The following DLGAP1 variants were observed in gnomAD, a reference collection of about 807,000 sequenced individuals.
DLGAP1 encodes disks large-associated protein 1.
DLGAP1 carries 11 observed loss-of-function variants against 90.8 expected under a neutral mutation model. The observed-to-expected ratio is 0.12, with a 90% CI of 0.08 to 0.20. The LOEUF (loss-of-function observed/expected upper bound fraction) is 0.20. Among genes scored for constraint, DLGAP1 ranks in the 10% least tolerant of loss-of-function variants. DLGAP1 has a pLI of 1.00. For missense variants in DLGAP1, 1,050 were observed against 1,333.8 expected (o/e 0.79, Z 3.31); for synonymous variants, 558 against 540.7 (o/e 1.03, Z -0.44).
chr18:4,081,471 C>A (rs1464834422), intron 2 of DLGAP1, among the ~76,000 whole-genome samples: 1 of 151,956 alleles, frequency 6.6e-6, no homozygotes, highest in South Asian at 2.1e-4. Context: ...AAACTGATAC[C>A]CCAAAATATG....
chr18:4,172,869 C>T (rs2077046231), intron 1 of DLGAP1, among the ~76,000 whole-genome samples: 1 of 152,234 alleles, frequency 6.6e-6, no homozygotes, highest in South Asian at 2.1e-4. Flanking sequence ...GCTGTAAATG[C>T]TCTAGTGCAG....
intron 1 of DLGAP1, among the ~76,000 whole-genome samples, chr18:4,381,086 C>T (rs1014782674): frequency 2.0e-5 from 3 of 152,176 alleles, no homozygotes; most frequent in African/African-American, 7.2e-5. Context: ...AGGTGGTTAA[C>T]ACTATATATT....
chr18:3,845,045 C>T (rs1257006917), intron 4 of DLGAP1, among the ~76,000 whole-genome samples: 4 of 152,076 alleles, frequency 2.6e-5, no homozygotes, highest in African/African-American at 9.7e-5. Flanking sequence ...CCATAAGCAA[C>T]CAAATCAGAG....
At chr18:4,414,535 C>T (rs757075152) in intron 1 of DLGAP1, among the ~76,000 whole-genome samples, 1 of 151,938 alleles carries the variant, frequency 6.6e-6, no homozygotes, top group Non-Finnish European at 1.5e-5. Context: ...ACCAGCCTGG[C>T]CAACATAGTG....
chr18:3,708,565 A>T, intron 7 of DLGAP1: 2 of 456,332 alleles, frequency 4.4e-6, no homozygotes, highest in South Asian at 3.1e-5. Context: ...CTCCAAGAGC[A>T]CCTTCAGGAA....
At chr18:4,432,744 T>C (rs952990378) in intron 1 of DLGAP1, among the ~76,000 whole-genome samples, 15 of 152,070 alleles carry the variant, frequency 9.9e-5, no homozygotes, top group African/African-American at 3.6e-4. Context: ...TTTGCACTCT[T>C]AATCAACACC....
At chr18:4,150,606 G>T (rs1053455429) in intron 2 of DLGAP1, among the ~76,000 whole-genome samples, 2 of 152,250 alleles carry the variant, frequency 1.3e-5, no homozygotes, top group African/African-American at 4.8e-5. Flanking sequence ...GCTAATTTTT[G>T]TATTTTTAGT....
At chr18:3,607,618 G>A (rs1230606526) in intron 7 of DLGAP1, 1 of 152,150 alleles carries the variant, frequency 6.6e-6, no homozygotes, top group African/African-American at 2.4e-5. Flanking sequence ...TTACAACTGG[G>A]CTGCAGCATA....
chr18:3,647,761 G>A (rs749690460), intron 7 of DLGAP1, among the ~76,000 whole-genome samples: 3 of 152,022 alleles, frequency 2.0e-5, no homozygotes, highest in East Asian at 1.9e-4. Flanking sequence ...CACCACGCCC[G>A]GTCTATTTAA....
At chr18:3,907,882 A>T (rs1483721961) in intron 3 of DLGAP1, among the ~76,000 whole-genome samples, 1 of 152,220 alleles carries the variant, frequency 6.6e-6, no homozygotes, top group East Asian at 1.9e-4. Context: ...GCAGGATGGA[A>T]GAATATTCAG....
chr18:4,350,916 G>T (rs1186382542), intron 1 of DLGAP1, among the ~76,000 whole-genome samples: 1 of 152,010 alleles, frequency 6.6e-6, no homozygotes, highest in Non-Finnish European at 1.5e-5. Context: ...GGAGACTTTG[G>T]AATTAATATA....
chr18:3,802,173 T>C (rs1284778500), intron 5 of DLGAP1, among the ~76,000 whole-genome samples: 2 of 152,026 alleles, frequency 1.3e-5, no homozygotes, highest in African/African-American at 2.4e-5. Flanking sequence ...TTAGTAGAGA[T>C]GGGGTTTCAC....
At chr18:3,688,666 C>CACACAA (rs1432309306) in intron 7 of DLGAP1, among the ~76,000 whole-genome samples, 2 of 36,470 alleles carry the variant, frequency 5.5e-5, no homozygotes, top group African/African-American at 2.8e-4. Context: ...CACACACACA[C>CACACAA]ACCCTACCAA....
chr18:4,101,397 A>G (rs9954024), intron 2 of DLGAP1, among the ~76,000 whole-genome samples: 62,201 of 151,960 alleles, frequency 0.41, 13,269 homozygotes, highest in African/African-American at 0.54. Context: ...ACATCTCAAA[A>G]CAATTATAAT....
At chr18:4,026,502 T>C (rs981409541) in intron 2 of DLGAP1, among the ~76,000 whole-genome samples, 6 of 151,984 alleles carry the variant, frequency 3.9e-5, no homozygotes, top group African/African-American at 1.2e-4. Flanking sequence ...TACTTAGGGG[T>C]TGGATGTTAC....
chr18:3,999,221 C>T (rs925382137), intron 3 of DLGAP1, among the ~76,000 whole-genome samples: 6 of 151,374 alleles, frequency 4.0e-5, no homozygotes, highest in African/African-American at 1.5e-4. Flanking sequence ...TTTTTTATCC[C>T]GTCTCCTTTA....
At chr18:4,428,674 A>G (rs949033003) in intron 1 of DLGAP1, among the ~76,000 whole-genome samples, 2 of 152,118 alleles carry the variant, frequency 1.3e-5, no homozygotes, top group Non-Finnish European at 2.9e-5. Context: ...ACCATGAGTA[A>G]AAGTTTCCTG....
intron 4 of DLGAP1, among the ~76,000 whole-genome samples, chr18:3,861,650 T>C (rs748200803): frequency 1.3e-5 from 2 of 152,198 alleles, no homozygotes; most frequent in Admixed American, 1.3e-4. Flanking sequence ...GCCCCCACCC[T>C]GCCCTCTACC....
At chr18:3,579,842 T>G (rs2055382848) in intron 8 of DLGAP1, among the ~76,000 whole-genome samples, 1 of 152,236 alleles carries the variant, frequency 6.6e-6, no homozygotes, top group South Asian at 2.1e-4. Flanking sequence ...TTCCTCATGA[T>G]GCTGTGATGT....
Sources: allele counts gnomAD v4.1 joint callset (sites outside exome capture counted in the v4.1 genomes callset), GRCh38; gene constraint gnomAD v4.1.1; transcripts MANE v1.5; gene names NCBI Gene and HGNC (gene_info 2026-07-23, HGNC 2026-07-21).